The following FHOD3 variants were observed in gnomAD, a reference collection of about 807,000 sequenced individuals.
FHOD3 encodes the protein formin homology 2 domain containing 3.
A neutral mutation model predicts 173.0 loss-of-function variants in FHOD3; 90 were observed. The ratio of observed to expected loss-of-function variants is 0.52; its 90% CI spans 0.44 to 0.62. The LOEUF (loss-of-function observed/expected upper bound fraction) is 0.62. Ranked by LOEUF, FHOD3 falls within the 20% of genes least tolerant of loss-of-function variation. FHOD3 has a pLI of 0.00. For missense variants in FHOD3, 1,945 were observed against 2,034.7 expected, an observed-to-expected ratio of 0.96 and a Z score of 0.85; for synonymous variants, 828 against 823.0, an observed-to-expected ratio of 1.01 and a Z score of -0.10.
At chr18:36,754,975 CTTTATTATT>C (rs1196977572) in intron 24 of FHOD3, 135 bp from the exon 25 acceptor site, 4 of 154,702 alleles carry the variant, frequency 2.6e-5, no homozygotes, top group African/African-American at 1.1e-4. Context: ...TTGTTGGTTT[CTTTATTATT>C]ATTATTATTA....
At chr18:36,431,867 G>C (rs2050569884) in intron 3 of FHOD3, among the ~76,000 whole-genome samples, 1 of 152,212 alleles carries the variant, frequency 6.6e-6, no homozygotes. Context: ...AGAAAATACA[G>C]TTGTTCCTTG....
At chr18:36,543,827 G>A (rs2057316641) in intron 5 of FHOD3, among the ~76,000 whole-genome samples, 1 of 152,204 alleles carries the variant, frequency 6.6e-6, no homozygotes, top group African/African-American at 2.4e-5. Flanking sequence ...TTCAAAAACA[G>A]TTCTACTTCT....
intron 19 of FHOD3, 141 bp downstream of exon 19, chr18:36,718,856 T>C: frequency 7.2e-7 from 1 of 1,387,458 alleles, no homozygotes; most frequent in East Asian, 2.4e-5. Context: ...TTTAATATAG[T>C]GTTCCTTCTG....
intron 3 of FHOD3, among the ~76,000 whole-genome samples, chr18:36,435,131 A>G (rs1226435989): frequency 6.7e-6 from 1 of 150,236 alleles, no homozygotes; most frequent in African/African-American, 2.4e-5. Flanking sequence ...TCAAGAAAAG[A>G]CCCGTTTCCT....
chr18:36,655,378 C>T (rs1209794247), intron 13 of FHOD3, among the ~76,000 whole-genome samples: 1 of 152,034 alleles, frequency 6.6e-6, no homozygotes, highest in African/African-American at 2.4e-5. Flanking sequence ...TTTCCTGGGC[C>T]CCAGACCCTT....
At chr18:36,431,016 G>A (rs148740553) in intron 3 of FHOD3, among the ~76,000 whole-genome samples, 1 of 152,230 alleles carries the variant, frequency 6.6e-6, no homozygotes, top group East Asian at 1.9e-4. Flanking sequence ...CATGTTGTAG[G>A]ACAAAGGTGG....
At chr18:36,649,175 G>T in intron 10 of FHOD3, 141 bp from the exon 11 acceptor site, 2 of 595,668 alleles carry the variant, frequency 3.4e-6, no homozygotes, top group South Asian at 4.5e-5. Flanking sequence ...CAGCCAGCTG[G>T]GTGGTTTTTT....
At chr18:36,596,604 C>G (rs1391706528) in intron 7 of FHOD3, among the ~76,000 whole-genome samples, 2 of 152,120 alleles carry the variant, frequency 1.3e-5, no homozygotes, top group African/African-American at 4.8e-5. Context: ...CATCCAGGAC[C>G]TTTAACTGGG....
chr18:36,481,856 C>T (rs1360866024), intron 3 of FHOD3, among the ~76,000 whole-genome samples: 2 of 152,082 alleles, frequency 1.3e-5, no homozygotes, highest in Non-Finnish European at 2.9e-5. Flanking sequence ...GGCAGTCTTT[C>T]TGAAACTGTG....
intron 19 of FHOD3, among the ~76,000 whole-genome samples, chr18:36,727,335 ATTGT>A (rs1376009767): frequency 6.6e-6 from 1 of 152,034 alleles, no homozygotes; most frequent in African/African-American, 2.4e-5. Context: ...GCTTTAGATT[ATTGT>A]CAGAGGGAAG....
At chr18:36,393,305 C>T (rs1028471874) in intron 3 of FHOD3, among the ~76,000 whole-genome samples, 1 of 152,192 alleles carries the variant, frequency 6.6e-6, no homozygotes, top group African/African-American at 2.4e-5. Context: ...TGGACACTTT[C>T]TCTTTCCTTG....
chr18:36,471,306 C>T (rs149316563), intron 3 of FHOD3, among the ~76,000 whole-genome samples: 39 of 152,296 alleles, frequency 2.6e-4, no homozygotes, highest in African/African-American at 9.1e-4. Context: ...CACCCCAGCT[C>T]TGGGTCCTGC....
At chr18:36,690,436 A>C (rs371950017) in intron 16 of FHOD3, among the ~76,000 whole-genome samples, 9 of 152,238 alleles carry the variant, frequency 5.9e-5, no homozygotes, top group African/African-American at 1.7e-4. Context: ...GATACGTGAC[A>C]GTCATTGCAT....
intron 19 of FHOD3, among the ~76,000 whole-genome samples, chr18:36,720,745 CT>C (rs796232768): frequency 3.4e-4 from 51 of 147,826 alleles, no homozygotes; most frequent in African/African-American, 1.2e-3. Context: ...TCTCCTCCTC[CT>C]TCTTCTCCTC....
Position 36,512,660 on chromosome 18 carries a change from TAA to T in FHOD3, c.511+119_511+120del. 4 of 722,716 alleles carry T rather than the reference TAA, an allele frequency of 5.5e-6. No homozygotes were observed. In the Admixed American group the frequency reaches 9.1e-5, roughly 16 times the overall value. The allele number at this position is 722,716 out of a possible 1,614,324, so 44.8% of individuals were successfully genotyped here. ...AGACTTCGATTTGAGAGTAAGGTGGTAAAGACACCCTTTGGCAAAAAAACATC... is the reference window on the plus strand; with the variant it reads ...AGACTTCGATTTGAGAGTAAGGTGGTAGACACCCTTTGGCAAAAAAACATC... On this transcript the variant is annotated intron_variant, in intron 5 of 28. Coordinates refer to ENST00000590592, the MANE Select transcript of FHOD3 (RefSeq NM_001281740.3).
intron 5 of FHOD3, among the ~76,000 whole-genome samples, chr18:36,523,655 T>C (rs777191843): frequency 3.3e-5 from 5 of 152,208 alleles, no homozygotes; most frequent in Admixed American, 6.5e-5. Flanking sequence ...AACAACAGAA[T>C]ATATCACTTT....
intron 3 of FHOD3, 70 bp downstream of exon 3, chr18:36,372,814 T>C: frequency 7.6e-7 from 1 of 1,321,220 alleles, no homozygotes; most frequent in South Asian, 1.2e-5. Context: ...AAAATAAAGA[T>C]TCACTGTTAT....
chr18:36,675,532 C>T (rs1407538351), intron 14 of FHOD3, among the ~76,000 whole-genome samples: 1 of 152,152 alleles, frequency 6.6e-6, no homozygotes, highest in Non-Finnish European at 1.5e-5. Context: ...GCCTTCTGTG[C>T]CAGGAGCCTC....
At chr18:36,445,495 G>A (rs1203083958) in intron 3 of FHOD3, among the ~76,000 whole-genome samples, 3 of 152,120 alleles carry the variant, frequency 2.0e-5, no homozygotes, top group Non-Finnish European at 2.9e-5. Flanking sequence ...GGTGTTTGGC[G>A]GGGTCGATGT....
Sources: gnomAD v4.1 joint callset for allele counts (sites outside exome capture counted in the v4.1 genomes callset) on GRCh38, gnomAD v4.1.1 for gene constraint, MANE v1.5 for transcripts, NCBI Gene and HGNC (gene_info 2026-07-23, HGNC 2026-07-21) for gene names.